Variants in TBC1D1 observed in about 807,000 individuals in gnomAD.
TBC1D1 encodes TBC1 (tre-2/USP6, BUB2, cdc16) domain family, member 1.
TBC1D1 carries 89 observed loss-of-function variants against 125.6 expected under a neutral mutation model. That is an observed-to-expected ratio of 0.71 (90% CI 0.60 to 0.85). TBC1D1 has a LOEUF of 0.85. Ranked by LOEUF, TBC1D1 falls within the 40% of genes least tolerant of loss-of-function variation. The pLI is 0.00. For missense variants in TBC1D1, 1,377 were observed against 1,469.2 expected (o/e 0.94, Z 1.03); for synonymous variants, 565 against 564.1 (o/e 1.00, Z -0.02).
chr4:37,992,954 G>A (rs1376888590), intron 2 of TBC1D1, among the ~76,000 whole-genome samples: 1 of 151,766 alleles, frequency 6.6e-6, no homozygotes, highest in Non-Finnish European at 1.5e-5. Flanking sequence ...ACAGGCGTGT[G>A]TCATCATGCC....
At chr4:37,979,013 AT>A (rs952059678) in intron 2 of TBC1D1, among the ~76,000 whole-genome samples, 2 of 152,154 alleles carry the variant, frequency 1.3e-5, no homozygotes, top group Admixed American at 6.5e-5. Context: ...AGTAGCTGGG[AT>A]TACAGCTGTG....
At chr4:37,948,798 G>A (rs1275543338) in intron 2 of TBC1D1, among the ~76,000 whole-genome samples, 2 of 152,040 alleles carry the variant, frequency 1.3e-5, no homozygotes, top group Non-Finnish European at 2.9e-5. Flanking sequence ...TTCTTCAGCC[G>A]TAACCACAGA....
intron 1 of TBC1D1, among the ~76,000 whole-genome samples, chr4:37,899,812 C>G (rs757097613): frequency 6.6e-6 from 1 of 152,288 alleles, no homozygotes; most frequent in African/African-American, 2.4e-5. Context: ...AAGATAAGAA[C>G]CAGAAGAGAT....
At chr4:38,121,285 G>A (rs1356996969) in intron 17 of TBC1D1, among the ~76,000 whole-genome samples, 2 of 152,208 alleles carry the variant, frequency 1.3e-5, no homozygotes, top group East Asian at 1.9e-4. Context: ...TGGAAAAAGA[G>A]ATGCAGTGCA....
chr4:38,115,412 T>G (rs1762828188), intron 15 of TBC1D1, among the ~76,000 whole-genome samples: 1 of 152,210 alleles, frequency 6.6e-6, no homozygotes, highest in Non-Finnish European at 1.5e-5. Context: ...AACAGTTTTC[T>G]TTTTTCGATT....
intron 2 of TBC1D1, among the ~76,000 whole-genome samples, chr4:38,004,043 G>A (rs1739592761): frequency 1.3e-5 from 2 of 152,198 alleles, no homozygotes; most frequent in Admixed American, 6.5e-5. Flanking sequence ...TAGAAGAGGA[G>A]TCGAGGTTCC....
At position 37,995,726 on chromosome 4, in the gene TBC1D1, T is replaced by C. The variant is rs1737658128; in HGVS notation, c.418-18783T>C. 1.9e-6 allele frequency: 1 copy of C among 527,318 alleles called. No homozygotes were observed. Among genetic ancestry groups the C allele is most frequent in the Admixed American group, 1.9e-5 (1 of 51,612 alleles). 32.7% of individuals were successfully genotyped at this position (527,318 alleles called of 1,614,324 possible). ...TGTTCTGAGAAGTATTTGGAAATGG[T>C]TGTCTGGACGGCTTGCACTTTGGTC... On this transcript the variant is annotated intron_variant, in intron 2 of 19. Transcript: ENST00000261439. This position sits in a 1 kb window ranked among gnomAD's most constrained non-coding sequence, Gnocchi z 4.3.
At chr4:37,982,868 A>C (rs1370078256) in intron 2 of TBC1D1, among the ~76,000 whole-genome samples, 1 of 152,134 alleles carries the variant, frequency 6.6e-6, no homozygotes, top group Non-Finnish European at 1.5e-5. Flanking sequence ...TTCATTGACG[A>C]ATGTACTAAG....
chr4:37,960,695 C>G lies in TBC1D1; in HGVS notation c.418-53814C>G, dbSNP rs541513996. 9.3e-6 allele frequency: 15 copies of G among 1,614,184 alleles called. No individual in the cohort carries two copies. In the Admixed American group the frequency reaches 1.0e-4, roughly 11 times the overall value. ...GACCCAGAAAACAAAAACAGCCAAGCTTTTCTGCCAAAAAGATGACCGAGA... is the reference window on the plus strand; with the variant it reads ...GACCCAGAAAACAAAAACAGCCAAGGTTTTCTGCCAAAAAGATGACCGAGA... On this transcript the variant is annotated intron_variant, in intron 2 of 19. Coordinates refer to ENST00000261439, the MANE Select transcript of TBC1D1 (RefSeq NM_015173.4).
At chr4:38,050,210 C>T (rs569443842) in intron 11 of TBC1D1, among the ~76,000 whole-genome samples, 16 of 152,236 alleles carry the variant, frequency 1.1e-4, no homozygotes, top group East Asian at 3.9e-4. Flanking sequence ...AGAGGGCAAG[C>T]GGATGAGTCT....
At chr4:38,063,740 T>C (rs1560720043) in intron 12 of TBC1D1, among the ~76,000 whole-genome samples, 1 of 152,104 alleles carries the variant, frequency 6.6e-6, no homozygotes, top group Non-Finnish European at 1.5e-5. Flanking sequence ...GTGATTCTCA[T>C]GCCTCAGCGA....
chr4:37,920,871 G>A (rs1335931860), intron 2 of TBC1D1, among the ~76,000 whole-genome samples: 1 of 152,130 alleles, frequency 6.6e-6, no homozygotes, highest in Non-Finnish European at 1.5e-5. Flanking sequence ...AGCACTTTGG[G>A]AGGCCGAGGC....
intron 12 of TBC1D1, among the ~76,000 whole-genome samples, chr4:38,057,240 C>A (rs746983262): frequency 4.6e-5 from 7 of 152,226 alleles, no homozygotes; most frequent in Non-Finnish European, 7.3e-5. Context: ...CCATGCCAGC[C>A]ATGAACTCAC....
intron 2 of TBC1D1, chr4:38,006,819 T>C: frequency 1.9e-6 from 1 of 515,138 alleles, no homozygotes; most frequent in South Asian, 1.4e-5. Context: ...CCCTCTCCTT[T>C]CTTTGGTTTC....
chr4:37,989,259 C>G (rs1199555254), intron 2 of TBC1D1, among the ~76,000 whole-genome samples: 2 of 152,146 alleles, frequency 1.3e-5, no homozygotes, highest in Non-Finnish European at 2.9e-5. Flanking sequence ...TTGTCTTAAC[C>G]TACACACTTA....
chr4:37,984,789 G>A (rs2152376855), intron 2 of TBC1D1, among the ~76,000 whole-genome samples: 1 of 150,886 alleles, frequency 6.6e-6, no homozygotes, highest in East Asian at 2.0e-4. Context: ...GTTGTAGTGA[G>A]CCAAGATTGT....
chr4:37,909,904 A>C (rs559926606), intron 2 of TBC1D1, among the ~76,000 whole-genome samples: 1 of 152,204 alleles, frequency 6.6e-6, no homozygotes, highest in East Asian at 1.9e-4. Context: ...CACACTAGAC[A>C]GAAGTTGGTT....
At chr4:37,922,296 C>G (rs143493924) in intron 2 of TBC1D1, among the ~76,000 whole-genome samples, 1 of 152,300 alleles carries the variant, frequency 6.6e-6, no homozygotes, top group South Asian at 2.1e-4. Context: ...TAATTCAACC[C>G]GTCCTATTGA....
At chr4:37,969,088 G>A (rs1281768395) in intron 2 of TBC1D1, among the ~76,000 whole-genome samples, 1 of 152,192 alleles carries the variant, frequency 6.6e-6, no homozygotes, top group African/African-American at 2.4e-5. Flanking sequence ...CCATGCTGGA[G>A]TGAATTTTGG....
Sources: allele counts gnomAD v4.1 joint callset (sites outside exome capture counted in the v4.1 genomes callset), GRCh38; gene constraint gnomAD v4.1.1; non-coding constraint Gnocchi (gnomAD v3.1); transcripts MANE v1.5; gene names NCBI Gene and HGNC (gene_info 2026-07-23, HGNC 2026-07-21).